The following DDX4 variants were observed in gnomAD, a reference collection of about 807,000 sequenced individuals.
DDX4 encodes probable ATP-dependent RNA helicase DDX4.
A neutral mutation model predicts 100.0 loss-of-function variants in DDX4; 25 were observed. The ratio of observed to expected loss-of-function variants is 0.25; its 90% confidence interval spans 0.18 to 0.35. The LOEUF is 0.35. DDX4 is among the 10% of genes least tolerant of loss of function. The pLI is 1.00. For missense variants in DDX4, 635 were observed against 882.4 expected, an observed-to-expected ratio of 0.72 and a Z score of 3.55; for synonymous variants, 259 against 275.7, an observed-to-expected ratio of 0.94 and a Z score of 0.60.
chr5:55,770,625 G>A (rs73131129), intron 7 of DDX4, among the ~76,000 whole-genome samples: 1,751 of 152,172 alleles, frequency 0.012, 37 homozygotes, highest in African/African-American at 0.04. Context: ...CCGCACCTTG[G>A]AGACATTCTT....
intron 7 of DDX4, among the ~76,000 whole-genome samples, chr5:55,770,712 G>T (rs1741202934): frequency 1.3e-5 from 2 of 152,146 alleles, no homozygotes. Flanking sequence ...ATTTCATAAT[G>T]AGGGAAGACT....
intron 4 of DDX4, among the ~76,000 whole-genome samples, chr5:55,761,022 T>C (rs1298779839): frequency 6.6e-6 from 1 of 152,214 alleles, no homozygotes; most frequent in Non-Finnish European, 1.5e-5. Context: ...TATTGAGACT[T>C]GCAGATATTT....
chr5:55,805,877 T>C (rs1743668401), intron 18 of DDX4, among the ~76,000 whole-genome samples: 2 of 152,222 alleles, frequency 1.3e-5, no homozygotes, highest in Admixed American at 1.3e-4. Context: ...TTCTATTGAT[T>C]GGAATAGTTT....
At chr5:55,739,153 T>A in intron 2 of DDX4, 121 bp downstream of exon 2, 1 of 664,376 alleles carries the variant, frequency 1.5e-6, no homozygotes, top group African/African-American at 1.8e-5. Context: ...TGATTGTTAT[T>A]AACTATTATA....
chr5:55,751,480 C>A lies in DDX4; in HGVS notation c.127+5259C>A, dbSNP rs550882254. Among the ~76,000 whole-genome samples the A allele has an allele frequency of 8.5e-5, 13 of 152,358 alleles. No individual in the cohort carries two copies. The South Asian group carries it at 2.5e-3, about 29-fold the overall frequency. On this transcript the variant is annotated intron_variant, in intron 3 of 21. Coordinates refer to ENST00000505374, the MANE Select transcript of DDX4 (RefSeq NM_024415.3). Reference sequence around the variant, plus strand: ...GAACTCCTGAGCTCAAGTGATCCTCCTGCCTTGGCCTCCCAAAGTGCTGGG... The same window carrying A: ...GAACTCCTGAGCTCAAGTGATCCTCATGCCTTGGCCTCCCAAAGTGCTGGG...
At chr5:55,792,535 A>AT (rs11445701) in intron 16 of DDX4, 106 bp from the exon 17 acceptor site, 50,069 of 455,416 alleles carry the variant, frequency 0.11, 286 homozygotes, top group Middle Eastern at 0.13. Flanking sequence ...AATTTTTTGT[A>AT]TTTTTTTTTT....
intron 18 of DDX4, among the ~76,000 whole-genome samples, chr5:55,800,931 G>T (rs933930131): frequency 2.0e-5 from 3 of 150,584 alleles, no homozygotes; most frequent in African/African-American, 7.3e-5. Flanking sequence ...TTTTCCTTTT[G>T]CCTTTAAATA....
At chr5:55,781,247 T>G in intron 9 of DDX4, 101 bp downstream of exon 9, 1 of 907,524 alleles carries the variant, frequency 1.1e-6, no homozygotes, top group South Asian at 2.6e-5. Context: ...CTAGTTTGGC[T>G]TATGATTTTC....
chr5:55,799,942 TA>T (rs1338577453), intron 18 of DDX4, among the ~76,000 whole-genome samples: 1 of 150,446 alleles, frequency 6.6e-6, no homozygotes, highest in African/African-American at 2.5e-5. Flanking sequence ...AAAGGTGACT[TA>T]AAAAGCACTT....
At chr5:55,764,470 T>G (rs1740764713) in intron 6 of DDX4, among the ~76,000 whole-genome samples, 1 of 152,084 alleles carries the variant, frequency 6.6e-6, no homozygotes, top group South Asian at 2.1e-4. Context: ...TTAAAGACAA[T>G]TCCATTGAAG....
chr5:55,809,383 G>C (rs1413612655), intron 18 of DDX4, among the ~76,000 whole-genome samples: 1 of 152,126 alleles, frequency 6.6e-6, no homozygotes, highest in Non-Finnish European at 1.5e-5. Context: ...TGGAAATGCA[G>C]AAATCAGCCG....
In DDX4 at chr5:55,760,175, T is replaced by G. The variant is rs1345769621; in HGVS notation, c.128-25T>G. ...ACTAGATACTTGTTTTTATTTGACT[T>G]ACTTCAAAATGTTGTTTGCTTTAGA... On this transcript the variant is annotated intron_variant, in intron 3 of 21. Coordinates refer to ENST00000505374, the MANE Select transcript of DDX4 (RefSeq NM_024415.3). The G allele has an allele frequency of 2.6e-6, 4 of 1,564,138 alleles. No homozygotes were observed. The South Asian group carries it at 3.7e-5, about 14-fold the overall frequency.
intron 10 of DDX4, among the ~76,000 whole-genome samples, chr5:55,782,513 G>T (rs1445171612): frequency 6.6e-6 from 1 of 151,770 alleles, no homozygotes; most frequent in Non-Finnish European, 1.5e-5. Flanking sequence ...CAGGAGAATC[G>T]CTTGAATCCG....
chr5:55,780,874 T>G (rs747197157), intron 8 of DDX4, among the ~76,000 whole-genome samples, 192 bp from the exon 9 acceptor site: 49 of 152,366 alleles, frequency 3.2e-4, no homozygotes, highest in Non-Finnish European at 5.0e-4. Flanking sequence ...ATACTTAGTT[T>G]AACTTGGTTT....
chr5:55,796,994 G>A (rs144634814), intron 17 of DDX4, among the ~76,000 whole-genome samples: 19 of 151,652 alleles, frequency 1.3e-4, no homozygotes, highest in African/African-American at 3.6e-4. Context: ...ACAGGCATGC[G>A]CATACACACC....
At chr5:55,762,058 A>T (rs1263011710) in intron 4 of DDX4, among the ~76,000 whole-genome samples, 1 of 152,202 alleles carries the variant, frequency 6.6e-6, no homozygotes, top group Non-Finnish European at 1.5e-5. Context: ...CTTGAATCAC[A>T]CATCTTTGAA....
At chr5:55,804,426 G>C (rs1216803393) in intron 18 of DDX4, among the ~76,000 whole-genome samples, 1 of 152,052 alleles carries the variant, frequency 6.6e-6, no homozygotes, top group Non-Finnish European at 1.5e-5. Flanking sequence ...GTAATGCCTA[G>C]GTTTTCTTCT....
intron 7 of DDX4, among the ~76,000 whole-genome samples, chr5:55,778,000 C>G (rs759092324): frequency 1.3e-5 from 2 of 152,048 alleles, no homozygotes; most frequent in Admixed American, 6.6e-5. Context: ...ACTTACTCAG[C>G]TTGATTTAAT....
intron 3 of DDX4, among the ~76,000 whole-genome samples, chr5:55,753,145 T>G (rs1368463783): frequency 6.6e-6 from 1 of 152,152 alleles, no homozygotes; most frequent in East Asian, 1.9e-4. Context: ...GCCTGTTCAC[T>G]CTGATGGTAG....
Sources: allele counts gnomAD v4.1 joint callset (sites outside exome capture counted in the v4.1 genomes callset), GRCh38; gene constraint gnomAD v4.1.1; transcripts MANE v1.5; gene names NCBI Gene and HGNC (gene_info 2026-07-23, HGNC 2026-07-21).